Variants in PUDP observed in about 807,000 individuals in gnomAD.
PUDP encodes pseudouridine-5'-phosphatase.
Under a neutral mutation model 9.4 loss-of-function variants are expected in PUDP, and 8 were observed. The ratio of observed to expected loss-of-function variants is 0.85; its 90% CI spans 0.50 to 1.53. The LOEUF is 1.53. PUDP is among the 40% of genes most tolerant of loss of function. The pLI, the probability that PUDP is intolerant of heterozygous loss-of-function variation, is 0.00. For synonymous variants in PUDP, 99 were observed against 80.7 expected, an observed-to-expected ratio of 1.23 and a Z score of -1.22; for missense variants, 188 against 189.7, an observed-to-expected ratio of 0.99 and a Z score of 0.05.
At chrX:6,851,296 T>C (rs1602645286) in intron 3 of PUDP, among the ~76,000 whole-genome samples, 1 of 112,540 alleles carries the variant, frequency 8.9e-6, no homozygotes, top group East Asian at 2.8e-4. Flanking sequence ...TGAAGATTTC[T>C]AGAGAAGTGA....
At chrX:6,859,075 T>C (rs6639690) in intron 3 of PUDP, among the ~76,000 whole-genome samples, 47,409 of 109,652 alleles carry the variant, frequency 0.43, 8,672 homozygotes, top group Non-Finnish European at 0.57. Flanking sequence ...TAAAGGAGAG[T>C]TCCCCTGCAC....
chrX:6,987,293 A>G (rs1459385887), intron 1 of PUDP, among the ~76,000 whole-genome samples: 1 of 112,155 alleles, frequency 8.9e-6, no homozygotes, highest in Non-Finnish European at 1.9e-5. Context: ...ATGGGCATCT[A>G]TGTTCCTCCA....
chrX:6,708,717 C>G (rs923286379), intron 1 of PUDP, among the ~76,000 whole-genome samples: 1 of 111,824 alleles, frequency 8.9e-6, no homozygotes, highest in African/African-American at 3.3e-5. Flanking sequence ...TCTCCATGAC[C>G]AAGGTCCCAA....
At chrX:6,757,269 T>C (rs1306580102) in intron 3 of PUDP, among the ~76,000 whole-genome samples, 3 of 111,490 alleles carry the variant, frequency 2.7e-5, no homozygotes, top group Admixed American at 9.6e-5. Context: ...CTCTAGCCAT[T>C]AATATAGTGA....
chrX:6,798,563 GATATTAA>G (rs772012062), intron 3 of PUDP, among the ~76,000 whole-genome samples: 120 of 111,865 alleles, frequency 1.1e-3, no homozygotes, highest in African/African-American at 3.5e-3. Flanking sequence ...ATGCCCCACA[GATATTAA>G]AGTATATTTT....
At chrX:7,110,170 G>A (rs1932002375) in intron 1 of PUDP, among the ~76,000 whole-genome samples, 1 of 112,283 alleles carries the variant, frequency 8.9e-6, no homozygotes, top group African/African-American at 3.2e-5. Context: ...GGGGGCTTAT[G>A]GGAGGCATTA....
At chrX:7,059,389 T>C (rs1034908842) in intron 3 of PUDP, among the ~76,000 whole-genome samples, 2 of 112,279 alleles carry the variant, frequency 1.8e-5, no homozygotes. Flanking sequence ...AGGTGCTGAC[T>C]GTCTTAAAGT....
At chrX:7,091,501 G>A (rs758718064) in intron 2 of PUDP, among the ~76,000 whole-genome samples, 1 of 111,533 alleles carries the variant, frequency 9.0e-6, no homozygotes, top group Non-Finnish European at 1.9e-5. Flanking sequence ...ACCATGCCCA[G>A]CTAATTTTTT....
chrX:7,090,023 T>C (rs1468939666), intron 2 of PUDP, among the ~76,000 whole-genome samples: 6 of 111,814 alleles, frequency 5.4e-5, no homozygotes, highest in African/African-American at 1.6e-4. Flanking sequence ...AAGAAATTCA[T>C]GCACAGACCA....
At chrX:7,129,000 C>T (rs1432668716) in intron 1 of PUDP, among the ~76,000 whole-genome samples, 6 of 111,750 alleles carry the variant, frequency 5.4e-5, no homozygotes, top group African/African-American at 2.0e-4. Flanking sequence ...TAATTGCACT[C>T]AAATGCAGCT....
At chrX:7,108,191 G>A (rs1359452592) in intron 1 of PUDP, among the ~76,000 whole-genome samples, 2 of 112,790 alleles carry the variant, frequency 1.8e-5, no homozygotes, top group African/African-American at 6.4e-5. Context: ...TCTCTTGACT[G>A]CACCTGCAGC....
intron 3 of PUDP, among the ~76,000 whole-genome samples, chrX:6,963,985 G>A (rs1928745099): frequency 8.9e-6 from 1 of 112,048 alleles, no homozygotes; most frequent in Admixed American, 9.5e-5. Context: ...AGAAGAATGC[G>A]ATTGTTCAAA....
At chrX:6,727,379 C>T (rs1214336270) in intron 3 of PUDP, among the ~76,000 whole-genome samples, 1 of 111,711 alleles carries the variant, frequency 9.0e-6, no homozygotes, top group Non-Finnish European at 1.9e-5. Flanking sequence ...AAAATCCATG[C>T]TTAAAATATA....
At chrX:6,783,986 C>T (rs1255685588) in intron 3 of PUDP, among the ~76,000 whole-genome samples, 1 of 111,436 alleles carries the variant, frequency 9.0e-6, no homozygotes, top group Non-Finnish European at 1.9e-5. Context: ...CACACGGGCC[C>T]TCAATAGATT....
At chrX:6,953,493 T>A (rs1928584057) in intron 3 of PUDP, among the ~76,000 whole-genome samples, 2 of 110,408 alleles carry the variant, frequency 1.8e-5, no homozygotes, top group South Asian at 7.8e-4. Context: ...CACTTTTTTT[T>A]TCAAATGAAG....
intron 3 of PUDP, among the ~76,000 whole-genome samples, chrX:6,765,997 G>T (rs1925280687): frequency 9.0e-6 from 1 of 111,177 alleles, no homozygotes. Flanking sequence ...GCCACAGAAA[G>T]CAACACCTTA....
chrX:6,933,963 C>A (rs1255923373), intron 3 of PUDP, among the ~76,000 whole-genome samples: 3 of 104,576 alleles, frequency 2.9e-5, no homozygotes, highest in Non-Finnish European at 5.9e-5. Flanking sequence ...GCAAAGCCTC[C>A]AAGAAATATG....
chrX:6,871,503 A>C (rs1031585358), intron 3 of PUDP, among the ~76,000 whole-genome samples: 2 of 111,995 alleles, frequency 1.8e-5, no homozygotes, highest in African/African-American at 6.5e-5. Flanking sequence ...TATTCACAAG[A>C]CCTATCCTAA....
chrX:7,110,147 A>G (rs1417643828), intron 1 of PUDP, among the ~76,000 whole-genome samples: 1 of 111,954 alleles, frequency 8.9e-6, no homozygotes, highest in African/African-American at 3.3e-5. Flanking sequence ...CCTCAGAGGC[A>G]GCCTGAGTTC....
Sources: gnomAD v4.1 joint callset for allele counts (sites outside exome capture counted in the v4.1 genomes callset) on GRCh38, gnomAD v4.1.1 for gene constraint, MANE v1.5 for transcripts, NCBI Gene and HGNC (gene_info 2026-07-23, HGNC 2026-07-21) for gene names.